Variants in TMPRSS15 observed in about 807,000 individuals in gnomAD.
TMPRSS15 encodes transmembrane serine protease 15.
TMPRSS15 carries 128 observed loss-of-function variants against 125.3 expected under a neutral mutation model. That is an observed-to-expected ratio of 1.02 (90% CI 0.89 to 1.18). The LOEUF (loss-of-function observed/expected upper bound fraction) is 1.18, where lower values mean the gene tolerates loss of function less well. Ranked by LOEUF, TMPRSS15 falls within the 50% of genes most tolerant of loss-of-function variation. The pLI, the probability that TMPRSS15 is intolerant of heterozygous loss-of-function variation, is 0.00. For synonymous variants in TMPRSS15, 446 were observed against 423.2 expected, an observed-to-expected ratio of 1.05 and a Z score of -0.66; for missense variants, 1,283 against 1,212.7, an observed-to-expected ratio of 1.06 and a Z score of -0.86.
intron 1 of TMPRSS15, among the ~76,000 whole-genome samples, chr21:18,450,037 C>T (rs573920400): frequency 7.2e-5 from 11 of 152,206 alleles, no homozygotes; most frequent in African/African-American, 2.6e-4. Context: ...CATCCCTTGG[C>T]TCTCACTTAA....
chr21:18,398,161 T>C (rs2076057253), intron 2 of TMPRSS15, 38 bp downstream of exon 2: 2 of 1,611,726 alleles, frequency 1.2e-6, no homozygotes, highest in Non-Finnish European at 1.7e-6. Flanking sequence ...GTAGTTAAAC[T>C]GTGTTATAAA....
chr21:18,460,921 A>C (rs1210130886), intron 1 of TMPRSS15, among the ~76,000 whole-genome samples: 1 of 152,176 alleles, frequency 6.6e-6, no homozygotes, highest in Non-Finnish European at 1.5e-5. Context: ...CTGTGCATTC[A>C]CCATGTTTTA....
chr21:18,392,684 A>G (rs899984283), intron 3 of TMPRSS15, among the ~76,000 whole-genome samples: 1 of 152,190 alleles, frequency 6.6e-6, no homozygotes, highest in African/African-American at 2.4e-5. Flanking sequence ...TCACACTGCT[A>G]TAAAGATACT....
intron 10 of TMPRSS15, among the ~76,000 whole-genome samples, chr21:18,345,740 C>CAAAAAAAAA (rs1235619873): frequency 0.049 from 766 of 15,532 alleles, 211 homozygotes; most frequent in Middle Eastern, 0.25. Flanking sequence ...GACTCCGTCT[C>CAAAAAAAAA]AAAAAAAAAA....
At chr21:18,361,227 C>T (rs2075677111) in intron 7 of TMPRSS15, among the ~76,000 whole-genome samples, 3 of 152,060 alleles carry the variant, frequency 2.0e-5, no homozygotes, top group Non-Finnish European at 4.4e-5. Flanking sequence ...TTTACAACTC[C>T]ACTGTCTCAT....
intron 1 of TMPRSS15, among the ~76,000 whole-genome samples, chr21:18,438,023 A>G (rs903658872): frequency 1.3e-5 from 2 of 151,620 alleles, no homozygotes; most frequent in African/African-American, 2.4e-5. Flanking sequence ...AGACACATAC[A>G]CACGTATGTT....
intron 16 of TMPRSS15, among the ~76,000 whole-genome samples, chr21:18,325,867 G>A (rs1569009545): frequency 6.6e-6 from 1 of 151,672 alleles, no homozygotes; most frequent in Non-Finnish European, 1.5e-5. Context: ...TATCCATGAT[G>A]AACATGCCGC....
intron 16 of TMPRSS15, among the ~76,000 whole-genome samples, chr21:18,321,480 G>A (rs1342982456): frequency 6.7e-6 from 1 of 149,036 alleles, no homozygotes; most frequent in Non-Finnish European, 1.5e-5. Context: ...AGCCTTCCCA[G>A]TAGCTGGGAC....
chr21:18,344,007 G>T lies in TMPRSS15; in HGVS notation c.1225C>A (p.Leu409Ile). 6.2e-7 allele frequency: 1 copy of T among 1,614,014 alleles called. No individual in the cohort carries two copies. Among genetic ancestry groups the T allele is most frequent in the South Asian group, 1.1e-5 (1 of 91,080 alleles). The change falls in exon 11 of 25, where the codon CTT becomes ATT. Residue 409 changes from leucine to isoleucine, a missense_variant. Physicochemically the swap from Leu to Ile is conservative, Grantham distance 5. Coordinates refer to ENST00000284885, the MANE Select transcript of TMPRSS15 (RefSeq NM_002772.3). ...GPGGRQERVG[L>I]LSLPLDPTLE... ...GTGGGGTCCAAAGGGAGGCTTAAAA[G>T]CCCCACTCGTTCTTGTCTCCCTCCT...
intron 3 of TMPRSS15, among the ~76,000 whole-genome samples, chr21:18,391,512 T>C (rs1000309477): frequency 2.6e-5 from 4 of 152,236 alleles, no homozygotes; most frequent in African/African-American, 7.2e-5. Context: ...ATCCACGGCA[T>C]GCTAATGCAA....
At chr21:18,360,595 T>C (rs900637529) in intron 7 of TMPRSS15, among the ~76,000 whole-genome samples, 6 of 152,272 alleles carry the variant, frequency 3.9e-5, no homozygotes, top group Admixed American at 2.6e-4. Context: ...GGAAGATCAT[T>C]TGATCATATA....
Position 18,344,001 on chromosome 21 carries a change from T to C in TMPRSS15, c.1231A>G (p.Ser411Gly). Residue 411 changes from serine to glycine, a missense_variant, in exon 11 of 25, where the codon AGC becomes GGC. Coordinates refer to ENST00000284885, the MANE Select transcript of TMPRSS15 (RefSeq NM_002772.3). Reference protein sequence around the residue: ...GGRQERVGLLSLPLDPTLEPA... With the variant: ...GGRQERVGLLGLPLDPTLEPA... Reference sequence around the variant, plus strand: ...TCCAAAGTGGGGTCCAAAGGGAGGCTTAAAAGCCCCACTCGTTCTTGTCTC... The same window carrying C: ...TCCAAAGTGGGGTCCAAAGGGAGGCCTAAAAGCCCCACTCGTTCTTGTCTC... 1 of 1,614,070 alleles carries C rather than the reference T, an allele frequency of 6.2e-7. No individual in the cohort carries two copies. Among genetic ancestry groups the C allele is most frequent in the Non-Finnish European group, 8.5e-7 (1 of 1,180,022 alleles).
chr21:18,313,568 C>T (rs1388231683), intron 17 of TMPRSS15, among the ~76,000 whole-genome samples: 2 of 151,572 alleles, frequency 1.3e-5, no homozygotes, highest in Non-Finnish European at 2.9e-5. Flanking sequence ...GTCATTTTGA[C>T]CTAAATTGAT....
intron 1 of TMPRSS15, among the ~76,000 whole-genome samples, chr21:18,457,185 A>G (rs906973252): frequency 1.3e-5 from 2 of 152,148 alleles, no homozygotes; most frequent in African/African-American, 4.8e-5. Flanking sequence ...CTTGCTCAGC[A>G]TAGTGCTTAC....
chr21:18,441,727 G>T (rs574766798), intron 1 of TMPRSS15, among the ~76,000 whole-genome samples: 6 of 149,420 alleles, frequency 4.0e-5, no homozygotes, highest in African/African-American at 7.4e-5. Flanking sequence ...GTCTCACTCT[G>T]TTGCCCAGAC....
chr21:18,279,417 C>T (rs2074664682), intron 22 of TMPRSS15, among the ~76,000 whole-genome samples: 1 of 149,198 alleles, frequency 6.7e-6, no homozygotes, highest in African/African-American at 2.5e-5. Flanking sequence ...GCTCCACCTC[C>T]CAGGTTCACG....
chr21:18,332,098 G>T lies in TMPRSS15; in HGVS notation c.1640C>A (p.Pro547His). ...AAATGACTCACAGAAAGCCAGATTA[G>T]GGTAGCTGTTTGGAAAGTTCGTAGA... ...FSSTNFPNSY[P>H]NLAFCVWILN... is the part of the protein sequence containing the mutation. Residue 547 changes from proline to histidine, a missense_variant, in exon 14 of 25, where the codon CCT becomes CAT. Transcript: ENST00000284885. The T allele has an allele frequency of 6.2e-7, 1 of 1,613,974 alleles. No individual in the cohort carries two copies. The highest frequency in any genetic ancestry group is 8.5e-7 in the Non-Finnish European group (1 of 1,179,882).
intron 3 of TMPRSS15, among the ~76,000 whole-genome samples, chr21:18,394,008 G>A (rs1345067936): frequency 2.0e-5 from 3 of 152,078 alleles, no homozygotes; most frequent in Admixed American, 6.5e-5. Context: ...GTACATAAGC[G>A]AGCAAATGAA....
chr21:18,480,528 G>A (rs1855664970), intron 1 of TMPRSS15, among the ~76,000 whole-genome samples: 1 of 151,698 alleles, frequency 6.6e-6, no homozygotes, highest in Admixed American at 6.6e-5. Context: ...ACCAAAACCG[G>A]CAAGTTTAGT....
Sources: gnomAD v4.1 joint callset for allele counts (sites outside exome capture counted in the v4.1 genomes callset) on GRCh38, gnomAD v4.1.1 for gene constraint, MANE v1.5 for transcripts, NCBI Gene and HGNC (gene_info 2026-07-23, HGNC 2026-07-21) for gene names.